Variants in KANK1 observed in about 807,000 individuals in gnomAD.
KANK1 encodes KN motif and ankyrin repeat domain-containing protein 1.
Under a neutral mutation model 106.2 loss-of-function variants are expected in KANK1, and 109 were observed. That is an observed-to-expected ratio of 1.03 (90% CI 0.88 to 1.20). KANK1 has a LOEUF of 1.20. KANK1 is among the 50% of genes most tolerant of loss of function. The pLI is 0.00. For missense variants in KANK1, 2,399 were observed against 1,710.7 expected, an observed-to-expected ratio of 1.40 and a Z score of -7.10; for synonymous variants, 873 against 652.2, an observed-to-expected ratio of 1.34 and a Z score of -5.16.
chr9:647,634 T>G (rs1186376995), intron 1 of KANK1, among the ~76,000 whole-genome samples: 1 of 150,758 alleles, frequency 6.6e-6, no homozygotes, highest in Non-Finnish European at 1.5e-5. Context: ...GTATCCATAG[T>G]GTCAAATGAG....
rs139315360 is a variant in KANK1 at position 714,130 on chromosome 9, A to G, written c.2698+666A>G. Among the ~76,000 whole-genome samples, 179 of 152,230 alleles carry G rather than the reference A, an allele frequency of 1.2e-3. 1 individual carries two copies. Among genetic ancestry groups the G allele is most frequent in the African/African-American group, 4.0e-3 (167 of 41,546 alleles). ...TTGGATTCCTACTCTGTCTCAAGCT[A>G]TAGGCTGTGAAGATAGTGTGAACAA... On this transcript the variant is annotated intron_variant, in intron 3 of 11. Coordinates refer to ENST00000382297, the MANE Select transcript of KANK1 (RefSeq NM_015158.5).
At chr9:539,459 C>T (rs957311264) in intron 1 of KANK1, 2 of 152,150 alleles carry the variant, frequency 1.3e-5, no homozygotes, top group African/African-American at 4.8e-5. Context: ...ACAGATCTTT[C>T]ACCTCCTTGG....
chr9:516,601 A>G (rs900179274), intron 1 of KANK1, among the ~76,000 whole-genome samples: 4 of 151,496 alleles, frequency 2.6e-5, no homozygotes, highest in African/African-American at 4.9e-5. Context: ...AATTGTTCAT[A>G]ATGCTGGGAA....
At chr9:715,957 G>A (rs1827578133) in intron 3 of KANK1, among the ~76,000 whole-genome samples, 8 of 152,184 alleles carry the variant, frequency 5.3e-5, no homozygotes, top group Admixed American at 5.2e-4. Flanking sequence ...AGGGTGCACT[G>A]TGCATTCCTG....
intron 2 of KANK1, chr9:686,929 G>A: frequency 1.0e-6 from 1 of 985,166 alleles, no homozygotes; most frequent in Non-Finnish European, 1.2e-6. Flanking sequence ...AAGGTAAAGG[G>A]GGCTTAGGGC....
intron 3 of KANK1, chr9:484,281 G>C (rs2058254637): frequency 6.6e-6 from 1 of 152,212 alleles, no homozygotes; most frequent in South Asian, 2.1e-4. Context: ...CTCTGTTTCA[G>C]GCTAGCTGTG....
intron 1 of KANK1, among the ~76,000 whole-genome samples, chr9:620,464 G>C (rs1013090974): frequency 1.3e-5 from 2 of 151,842 alleles, no homozygotes; most frequent in African/African-American, 4.9e-5. Flanking sequence ...AATGAATGGC[G>C]TGATTTCGGC....
intron 1 of KANK1, among the ~76,000 whole-genome samples, chr9:575,374 A>T (rs1820269880): frequency 6.6e-6 from 1 of 152,204 alleles, no homozygotes; most frequent in Non-Finnish European, 1.5e-5. Flanking sequence ...GTTTTATATA[A>T]TAGATTACAG....
rs201759561 is a variant in KANK1 at position 732,434 on chromosome 9, C to T, written c.3062C>T (p.Ser1021Leu). ...TCAGATGAAAGCTCTTCTTCCGAGT[C>T]AGATGACGAGTGTGATGTCATTGAG... Reference protein sequence around the residue: ...SSSDESSSSESDDECDVIEYP... With the variant: ...SSSDESSSSELDDECDVIEYP... The change falls in exon 6 of 12, where the codon TCA becomes TTA. Residue 1021 changes from serine to leucine, a missense_variant. Ser to Leu is a moderately radical substitution (Grantham distance 145). Coordinates refer to ENST00000382297, the MANE Select transcript of KANK1 (RefSeq NM_015158.5). 1.2e-6 allele frequency: 2 copies of T among 1,614,058 alleles called. No individual in the cohort carries two copies. Among genetic ancestry groups the T allele is most frequent in the East Asian group, 2.2e-5 (1 of 44,884 alleles).
intron 2 of KANK1, among the ~76,000 whole-genome samples, chr9:704,281 A>G (rs1185250532): frequency 6.6e-6 from 1 of 152,200 alleles, no homozygotes; most frequent in Non-Finnish European, 1.5e-5. Context: ...TAGAAATGTT[A>G]TAGTAGCTCT....
chr9:523,244 T>A (rs546103833), intron 1 of KANK1, among the ~76,000 whole-genome samples: 1 of 151,706 alleles, frequency 6.6e-6, no homozygotes, highest in Non-Finnish European at 1.5e-5. Context: ...AAACTCCTTC[T>A]CCCCACAGAC....
chr9:619,434 C>G (rs1391278344), intron 1 of KANK1, among the ~76,000 whole-genome samples: 5 of 152,146 alleles, frequency 3.3e-5, no homozygotes, highest in Non-Finnish European at 7.3e-5. Flanking sequence ...GTCCCTTTGC[C>G]TATCGTCAGA....
chr9:509,564 C>T (rs989596700), intron 1 of KANK1, among the ~76,000 whole-genome samples: 1 of 152,210 alleles, frequency 6.6e-6, no homozygotes, highest in Non-Finnish European at 1.5e-5. Context: ...TTTTTAATCC[C>T]TGCATATGCC....
At chr9:605,136 A>G (rs1304877962) in intron 1 of KANK1, among the ~76,000 whole-genome samples, 1 of 151,298 alleles carries the variant, frequency 6.6e-6, no homozygotes, top group Non-Finnish European at 1.5e-5. Context: ...ACCTGTCTCT[A>G]CTAAAAATAG....
chr9:504,536 G>A (rs1204278261), upstream of KANK1, among the ~76,000 whole-genome samples: 2 of 151,634 alleles, frequency 1.3e-5, no homozygotes, highest in East Asian at 3.9e-4. Flanking sequence ...CTTCTCACGC[G>A]CCGCTCCGGG....
At chr9:661,006 A>C (rs982640620) in intron 1 of KANK1, among the ~76,000 whole-genome samples, 1 of 152,226 alleles carries the variant, frequency 6.6e-6, no homozygotes, top group African/African-American at 2.4e-5. Flanking sequence ...CCAGTCATGT[A>C]GCTAGCTGTA....
intron 1 of KANK1, among the ~76,000 whole-genome samples, chr9:604,716 G>A (rs1828652310): frequency 6.6e-6 from 1 of 151,780 alleles, no homozygotes; most frequent in Non-Finnish European, 1.5e-5. Context: ...TGTAATCTCA[G>A]CTGTTCGGGA....
chr9:710,850 A>T lies in KANK1; in HGVS notation c.84A>T (p.Lys28Asn). ...GTGGAGACCAGGACAAGGAACAGAA[A>T]GACCCTTACTTTGTGGAGACCCCCT... ...ILSGDQDKEQ[K>N]DPYFVETPYG... The change falls in exon 3 of 12, where the codon AAA (lysine) becomes AAT (asparagine). Residue 28 changes from lysine to asparagine, a missense_variant. Lys to Asn is a moderately conservative substitution (Grantham distance 94). Transcript: ENST00000382297. The T allele has an allele frequency of 6.2e-7, 1 of 1,612,348 alleles. No individual in the cohort carries two copies. The highest frequency in any genetic ancestry group is 8.5e-7 in the Non-Finnish European group (1 of 1,179,370).
chr9:586,230 C>G (rs1425812007), intron 1 of KANK1, among the ~76,000 whole-genome samples: 1 of 152,192 alleles, frequency 6.6e-6, no homozygotes, highest in Non-Finnish European at 1.5e-5. Context: ...TGACATCTGA[C>G]TTCAAAGCAC....
Sources: gnomAD v4.1 joint callset for allele counts (sites outside exome capture counted in the v4.1 genomes callset) on GRCh38, gnomAD v4.1.1 for gene constraint, MANE v1.5 for transcripts, NCBI Gene and HGNC (gene_info 2026-07-23, HGNC 2026-07-21) for gene names.